The following MPP7 variants were observed in gnomAD, a reference collection of about 807,000 sequenced individuals.
The protein encoded by MPP7 is MAGUK p55 subfamily member 7.
Under a neutral mutation model 76.5 loss-of-function variants are expected in MPP7, and 60 were observed. The observed-to-expected ratio is 0.78, with a 90% CI of 0.64 to 0.97. The LOEUF (loss-of-function observed/expected upper bound fraction) is 0.97, where lower values mean the gene tolerates loss of function less well. Ranked by LOEUF, MPP7 falls within the 50% of genes least tolerant of loss-of-function variation. The probability of loss-of-function intolerance (pLI) is 0.00; values close to 1 mark genes in which losing one functional copy is unlikely to be tolerated. For synonymous variants in MPP7, 237 were observed against 244.5 expected, an observed-to-expected ratio of 0.97 and a Z score of 0.29; for missense variants, 641 against 694.0, an observed-to-expected ratio of 0.92 and a Z score of 0.86.
At chr10:28,220,519 T>C (rs1838466148) in intron 2 of MPP7, among the ~76,000 whole-genome samples, 1 of 152,202 alleles carries the variant, frequency 6.6e-6, no homozygotes, top group South Asian at 2.1e-4. Context: ...ACATGTAGTT[T>C]GACCAAACTG....
At chr10:28,292,837 A>T (rs889162252) in intron 1 of MPP7, among the ~76,000 whole-genome samples, 2 of 152,058 alleles carry the variant, frequency 1.3e-5, no homozygotes, top group African/African-American at 4.8e-5. Context: ...TAAAAAGGTG[A>T]GAGAGAGAGA....
At chr10:28,207,082 CT>C (rs1837972227) in intron 2 of MPP7, among the ~76,000 whole-genome samples, 1 of 151,972 alleles carries the variant, frequency 6.6e-6, no homozygotes, top group Admixed American at 6.6e-5. Flanking sequence ...AGAAAGTTAC[CT>C]ATAAGAGATT....
At chr10:28,220,640 A>T (rs1431388813) in intron 2 of MPP7, among the ~76,000 whole-genome samples, 1 of 152,156 alleles carries the variant, frequency 6.6e-6, no homozygotes, top group African/African-American at 2.4e-5. Flanking sequence ...CAATCAACAG[A>T]TCAGTAGGTG....
In MPP7 at chr10:28,071,549, T is replaced by C. The variant is rs550947027; in HGVS notation, c.1124-1697A>G. Reference sequence around the variant, plus strand: ...ATAATAAATATGCCATAATACCCCATTTATATCCTGAAATGGAATTAATTG... The same window carrying C: ...ATAATAAATATGCCATAATACCCCACTTATATCCTGAAATGGAATTAATTG... On this transcript the variant is annotated intron_variant, in intron 12 of 16. Coordinates refer to ENST00000683449, the MANE Select transcript of MPP7 (RefSeq NM_001318170.2). Among the ~76,000 whole-genome samples the C allele has an allele frequency of 2.2e-4, 34 of 152,304 alleles. 1 individual carries two copies. The South Asian group carries it at 6.2e-3, about 28-fold the overall frequency.
chr10:28,308,439 C>T (rs1144514), intron 2 of MPP7, among the ~76,000 whole-genome samples: 95,074 of 151,928 alleles, frequency 0.63, 29,951 homozygotes, highest in South Asian at 0.7. Flanking sequence ...CTCAAAGAAG[C>T]AGGAGTAACA....
chr10:28,209,053 C>T lies in MPP7; in HGVS notation c.38-6782G>A, dbSNP rs1271212147. ...CTTTCACCATCTGATACACCTGCTC[C>T]CCATTCACCTTCCACCACTATTGTA... On this transcript the variant is annotated intron_variant, in intron 2 of 16. Transcript: ENST00000683449. Among the ~76,000 whole-genome samples, 3 of 152,100 alleles carry T rather than the reference C, an allele frequency of 2.0e-5. No individual in the cohort carries two copies. The East Asian group carries it at 5.8e-4, about 29-fold the overall frequency.
intron 3 of MPP7, among the ~76,000 whole-genome samples, chr10:28,197,917 T>G (rs548656756): frequency 3.3e-5 from 5 of 152,024 alleles, no homozygotes; most frequent in Non-Finnish European, 7.4e-5. Context: ...CCCCCAAAAT[T>G]AAAAAATATG....
At chr10:28,133,999 C>T (rs925533941) in intron 5 of MPP7, among the ~76,000 whole-genome samples, 11 of 152,026 alleles carry the variant, frequency 7.2e-5, no homozygotes, top group African/African-American at 2.2e-4. Flanking sequence ...TTGGCTAGTA[C>T]AAATAATGCT....
At chr10:28,067,111 T>C (rs1422237605) in intron 13 of MPP7, among the ~76,000 whole-genome samples, 3 of 152,216 alleles carry the variant, frequency 2.0e-5, no homozygotes, top group Non-Finnish European at 4.4e-5. Context: ...CTTTAGTGGA[T>C]ACTGCTACTT....
intron 8 of MPP7, among the ~76,000 whole-genome samples, chr10:28,122,291 T>G (rs949464008): frequency 1.3e-5 from 2 of 152,334 alleles, no homozygotes; most frequent in Middle Eastern, 6.8e-3. Flanking sequence ...CTGAGCCATA[T>G]AGGTCTATCT....
In MPP7 at chr10:28,218,649, G is replaced by A. The variant is rs531201536; in HGVS notation, c.38-16378C>T. 3.9e-5 allele frequency among the ~76,000 whole-genome samples: 6 copies of A among 152,140 alleles called. No homozygotes were observed. In the South Asian group the frequency reaches 6.2e-4, roughly 16 times the overall value. On this transcript the variant is annotated intron_variant, in intron 2 of 16. Coordinates refer to ENST00000683449, the MANE Select transcript of MPP7 (RefSeq NM_001318170.2). ...TAGGCAATGATACCTACTGCCATGC[G>A]ATCACAGTCTCCAAACACAAGGAAC...
Position 28,155,603 on chromosome 10 carries a change from A to C in MPP7, c.157-5544T>G, listed in dbSNP as rs893327539. Among the ~76,000 whole-genome samples the C allele has an allele frequency of 5.8e-4, 87 of 150,898 alleles. 1 individual carries two copies. In the Middle Eastern group the frequency reaches 0.01, roughly 18 times the overall value. On this transcript the variant is annotated intron_variant, in intron 3 of 16. Coordinates refer to ENST00000683449, the MANE Select transcript of MPP7 (RefSeq NM_001318170.2). ...ACAGAGCCAGACCCTGTCTCCAAAA[A>C]AAAAAAGAAAGAAAAAGAAAAAGGC...
At chr10:28,206,429 TTA>T (rs1479514399) in intron 2 of MPP7, among the ~76,000 whole-genome samples, 1 of 152,190 alleles carries the variant, frequency 6.6e-6, no homozygotes, top group African/African-American at 2.4e-5. Flanking sequence ...TAACATCTGT[TTA>T]TGTCTAATAA....
intron 5 of MPP7, among the ~76,000 whole-genome samples, chr10:28,135,715 C>A (rs1835333808): frequency 6.6e-6 from 1 of 151,944 alleles, no homozygotes; most frequent in African/African-American, 2.4e-5. Flanking sequence ...GGTATTGTCT[C>A]AATAGTGGAA....
At chr10:28,089,036 T>G (rs1228804425) in intron 12 of MPP7, among the ~76,000 whole-genome samples, 1 of 152,096 alleles carries the variant, frequency 6.6e-6, no homozygotes, top group Non-Finnish European at 1.5e-5. Context: ...CTACCACGCC[T>G]GGCTAATTTT....
chr10:28,171,283 T>C (rs188403480), intron 3 of MPP7, among the ~76,000 whole-genome samples: 2 of 152,336 alleles, frequency 1.3e-5, no homozygotes, highest in Admixed American at 6.5e-5. Flanking sequence ...ACAAACATGT[T>C]CTGTGAGCAA....
rs1278259201 is a variant in MPP7, at chr10:28,122,776, T to A, written c.615+1255A>T. On this transcript the variant is annotated intron_variant, in intron 8 of 16. Transcript: ENST00000683449. Reference sequence around the variant, plus strand: ...AACATTAGCCTTTTATTATATATACTGAAAATATTTTTCATACAATCTCAT... The same window carrying A: ...AACATTAGCCTTTTATTATATATACAGAAAATATTTTTCATACAATCTCAT... Among the ~76,000 whole-genome samples, 6 of 152,108 alleles carry A rather than the reference T, an allele frequency of 3.9e-5. No individual in the cohort carries two copies. In the East Asian group the frequency reaches 9.6e-4, roughly 24 times the overall value.
chr10:28,298,670 C>G (rs573538386), intron 1 of MPP7, among the ~76,000 whole-genome samples: 69 of 152,180 alleles, frequency 4.5e-4, no homozygotes, highest in Non-Finnish European at 7.8e-4. Flanking sequence ...AAAGAGTCAG[C>G]CTGGCCTTTG....
At chr10:28,153,178 C>T (rs534154169) in intron 3 of MPP7, among the ~76,000 whole-genome samples, 41 of 151,636 alleles carry the variant, frequency 2.7e-4, no homozygotes, top group African/African-American at 9.2e-4. Context: ...GGCTTGAACC[C>T]GGAAGGCGGA....
Sources: gnomAD v4.1 joint callset for allele counts (sites outside exome capture counted in the v4.1 genomes callset) on GRCh38, gnomAD v4.1.1 for gene constraint, MANE v1.5 for transcripts, NCBI Gene and HGNC (gene_info 2026-07-23, HGNC 2026-07-21) for gene names.